SFMBT1: variants seen among roughly 807,000 people sequenced by gnomAD.
The protein encoded by SFMBT1 is scm-like with four MBT domains protein 1.
Under a neutral mutation model 108.7 loss-of-function variants are expected in SFMBT1, and 32 were observed. That is an observed-to-expected ratio of 0.29 (90% CI 0.22 to 0.40). SFMBT1 has a LOEUF of 0.40. Ranked by LOEUF, SFMBT1 falls within the 10% of genes least tolerant of loss-of-function variation. The pLI, the probability that SFMBT1 is intolerant of heterozygous loss-of-function variation, is 1.00. For synonymous variants in SFMBT1, 348 were observed against 369.5 expected (o/e 0.94, Z 0.67); for missense variants, 816 against 1,059.6 (o/e 0.77, Z 3.19).
chr3:52,916,217 G>A lies in SFMBT1; in HGVS notation c.1416-3C>T, dbSNP rs1267927454. ...GGACAGTCCTCGAGGATGGTACTCTGGGTCAAGAAAACACAGTAAAATAGT... is the reference window on the plus strand; with the variant it reads ...GGACAGTCCTCGAGGATGGTACTCTAGGTCAAGAAAACACAGTAAAATAGT... On this transcript the variant is annotated splice_region_variant and splice_polypyrimidine_tract_variant and intron_variant, in intron 13 of 20. Coordinates refer to ENST00000394752, the MANE Select transcript of SFMBT1 (RefSeq NM_016329.4). 2 of 1,613,402 alleles carry A rather than the reference G, an allele frequency of 1.2e-6. No homozygotes were observed. The highest frequency in any genetic ancestry group is 1.7e-6 in the Non-Finnish European group (2 of 1,179,542).
rs748876875 is a variant in SFMBT1 at position 52,999,465 on chromosome 3, C to T, written c.-130-30207G>A. On this transcript the variant is annotated intron_variant, in intron 1 of 20. Coordinates refer to ENST00000394752, the MANE Select transcript of SFMBT1 (RefSeq NM_016329.4). ...TTCTGAGAGAGCTGCTTCCGGATTGCGTTGGGGTAGTCAAGGAGCTCGGGA... is the reference window on the plus strand; with the variant it reads ...TTCTGAGAGAGCTGCTTCCGGATTGTGTTGGGGTAGTCAAGGAGCTCGGGA... Among the ~76,000 whole-genome samples the T allele has an allele frequency of 1.5e-4, 22 of 150,368 alleles. 2 individuals carry two copies. Among genetic ancestry groups the T allele is most frequent in the Non-Finnish European group, 2.4e-4 (16 of 67,104 alleles).
intron 1 of SFMBT1, among the ~76,000 whole-genome samples, chr3:52,972,941 G>A (rs538118545): frequency 9.7e-4 from 148 of 152,258 alleles, no homozygotes; most frequent in South Asian, 4.8e-3. Context: ...AGAATCGCTT[G>A]AGCCTGGGAG....
chr3:52,980,391 A>AT (rs1294437747), intron 1 of SFMBT1, among the ~76,000 whole-genome samples: 1 of 152,192 alleles, frequency 6.6e-6, no homozygotes, highest in East Asian at 1.9e-4. Flanking sequence ...CTCCAGTAAA[A>AT]TGCATAAATA....
At chr3:53,038,244 C>A (rs147415889) in intron 1 of SFMBT1, among the ~76,000 whole-genome samples, 2 of 152,208 alleles carry the variant, frequency 1.3e-5, no homozygotes, top group Non-Finnish European at 2.9e-5. Flanking sequence ...TGTATCTCCT[C>A]CCCTAACCAT....
intron 1 of SFMBT1, among the ~76,000 whole-genome samples, chr3:53,001,925 T>TCACACACACACACACACACA (rs59572829): frequency 1.5e-5 from 2 of 129,132 alleles, no homozygotes; most frequent in African/African-American, 5.6e-5. Flanking sequence ...ACCCAGTCTC[T>TCACACACACACACACACACA]CACACACACA....
intron 1 of SFMBT1, among the ~76,000 whole-genome samples, chr3:53,033,073 T>C (rs1699742577): frequency 6.6e-6 from 1 of 152,122 alleles, no homozygotes; most frequent in South Asian, 2.1e-4. Flanking sequence ...TCTGGGAAGC[T>C]GAGGTAGGAG....
intron 3 of SFMBT1, 46 bp downstream of exon 3, chr3:52,954,271 A>T (rs1165927745): frequency 1.5e-6 from 2 of 1,333,186 alleles, no homozygotes; most frequent in Non-Finnish European, 2.1e-6. Context: ...AGAGATTCGA[A>T]ATAAAGGGAT....
chr3:52,995,174 C>T (rs748514880), intron 1 of SFMBT1, among the ~76,000 whole-genome samples: 3 of 148,318 alleles, frequency 2.0e-5, no homozygotes, highest in Non-Finnish European at 4.5e-5. Context: ...TCCAAAGATG[C>T]CAAAGGTAAT....
At chr3:52,909,950 CAG>C (rs1702176670) in intron 17 of SFMBT1, among the ~76,000 whole-genome samples, 2 of 152,284 alleles carry the variant, frequency 1.3e-5, no homozygotes, top group Middle Eastern at 3.4e-3. Flanking sequence ...TGCTGCTCTT[CAG>C]AGACACTAAG....
At chr3:52,987,091 C>T (rs1384454033) in intron 1 of SFMBT1, among the ~76,000 whole-genome samples, 2 of 152,186 alleles carry the variant, frequency 1.3e-5, no homozygotes, top group African/African-American at 4.8e-5. Context: ...TCCACCTCCA[C>T]ATCCTGTCCC....
chr3:53,020,513 C>G (rs1322818800), intron 1 of SFMBT1, among the ~76,000 whole-genome samples: 1 of 152,186 alleles, frequency 6.6e-6, no homozygotes, highest in Non-Finnish European at 1.5e-5. Context: ...TTCCTGCTAG[C>G]ATTTATCACA....
chr3:52,908,342 G>A (rs1032106118), intron 17 of SFMBT1, among the ~76,000 whole-genome samples: 7 of 152,054 alleles, frequency 4.6e-5, no homozygotes, highest in African/African-American at 1.7e-4. Context: ...AAAGTGCTGG[G>A]ATTACAGGCA....
At chr3:53,038,339 T>G (rs1699930417) in intron 1 of SFMBT1, among the ~76,000 whole-genome samples, 1 of 152,098 alleles carries the variant, frequency 6.6e-6, no homozygotes, top group South Asian at 2.1e-4. Flanking sequence ...CCTTACTAAC[T>G]CTAGGAAACA....
At chr3:52,944,364 A>G (rs569497898) in intron 3 of SFMBT1, among the ~76,000 whole-genome samples, 43 of 152,316 alleles carry the variant, frequency 2.8e-4, no homozygotes, top group Non-Finnish European at 5.1e-4. Context: ...ACAGGCAGAT[A>G]GATGGATGGA....
intron 1 of SFMBT1, among the ~76,000 whole-genome samples, chr3:52,971,465 G>A (rs1318134738): frequency 6.6e-6 from 1 of 152,066 alleles, no homozygotes; most frequent in African/African-American, 2.4e-5. Flanking sequence ...TTCTAAATGT[G>A]CTCTCTTCCC....
intron 1 of SFMBT1, among the ~76,000 whole-genome samples, chr3:52,978,572 A>T (rs901612382): frequency 5.9e-5 from 9 of 152,202 alleles, no homozygotes; most frequent in African/African-American, 2.2e-4. Context: ...CCTCAGTGTT[A>T]AACATAGAGT....
At chr3:53,027,442 A>G (rs958763201) in intron 1 of SFMBT1, among the ~76,000 whole-genome samples, 1 of 152,210 alleles carries the variant, frequency 6.6e-6, no homozygotes, top group South Asian at 2.1e-4. Context: ...CCCTGGCACC[A>G]CTGCTTCATG....
chr3:53,031,178 G>A (rs1024144032), intron 1 of SFMBT1, among the ~76,000 whole-genome samples: 1 of 152,134 alleles, frequency 6.6e-6, no homozygotes. Context: ...AACAACAGTG[G>A]GAGGCAAGTG....
chr3:53,034,299 G>A (rs1423445260), intron 1 of SFMBT1, among the ~76,000 whole-genome samples: 8 of 152,168 alleles, frequency 5.3e-5, no homozygotes, highest in Non-Finnish European at 7.4e-5. Flanking sequence ...TCACTGGCAC[G>A]GGCATGGTAG....
Sources: gnomAD v4.1 joint callset for allele counts (sites outside exome capture counted in the v4.1 genomes callset) on GRCh38, gnomAD v4.1.1 for gene constraint, MANE v1.5 for transcripts, NCBI Gene and HGNC (gene_info 2026-07-23, HGNC 2026-07-21) for gene names.